Variants in LRP1B observed in about 807,000 individuals in gnomAD.
LRP1B encodes low-density lipoprotein receptor-related protein 1B.
In LRP1B, 217 loss-of-function variants were observed where a neutral mutation model predicts 556.6. The observed-to-expected ratio is 0.39, with a 90% CI of 0.35 to 0.44. LRP1B has a LOEUF of 0.44. Among genes scored for constraint, LRP1B ranks in the 20% least tolerant of loss-of-function variants. The pLI is 1.00. For missense variants in LRP1B, 5,053 were observed against 5,620.8 expected (o/e 0.90, Z 3.23); for synonymous variants, 2,047 against 1,865.8 (o/e 1.10, Z -2.50).
chr2:140,287,853 C>T (rs998208578), intron 84 of LRP1B, among the ~76,000 whole-genome samples: 2 of 151,606 alleles, frequency 1.3e-5, no homozygotes, highest in African/African-American at 4.8e-5. Context: ...TTGTCTGTCT[C>T]TGGCATGACG....
At chr2:141,057,522 G>A (rs2105460155) in intron 9 of LRP1B, among the ~76,000 whole-genome samples, 1 of 151,938 alleles carries the variant, frequency 6.6e-6, no homozygotes, top group Non-Finnish European at 1.5e-5. Flanking sequence ...GGGGGACCCA[G>A]TAGGAGGTAA....
chr2:140,640,383 CTTTTTTTTTTTT>C lies in LRP1B; in HGVS notation c.6800-38756_6800-38745del, dbSNP rs70988414. 4.1e-4 allele frequency among the ~76,000 whole-genome samples: 20 copies of C among 48,498 alleles called. No individual in the cohort carries two copies. The East Asian group carries it at 5.2e-3, about 13-fold the overall frequency. The allele number at this position is 48,498 out of a possible 152,430, so 31.8% of individuals were successfully genotyped here. On this transcript the variant is annotated intron_variant, in intron 41 of 90. Transcript: ENST00000389484. ...ATCCACTATTCCCTTGTCCTGTTTT[CTTTTTTTTTTTT>C]TTTTTTTTTTTTTTTTTTGAGATGG...
chr2:141,066,989 T>A (rs1167287295), intron 7 of LRP1B, among the ~76,000 whole-genome samples: 1 of 151,946 alleles, frequency 6.6e-6, no homozygotes, highest in Non-Finnish European at 1.5e-5. Flanking sequence ...CTGCTTTCCT[T>A]TTTATTTCAG....
intron 18 of LRP1B, among the ~76,000 whole-genome samples, chr2:140,958,424 G>A (rs1019975234): frequency 3.3e-5 from 5 of 151,574 alleles, no homozygotes; most frequent in Admixed American, 6.6e-5. Context: ...ATTACAAACC[G>A]CATGAACAAG....
At position 140,680,458 on chromosome 2, in the gene LRP1B, C is replaced by G. The variant is rs560367110; in HGVS notation, c.6799+19792G>C. Among the ~76,000 whole-genome samples the G allele has an allele frequency of 3.3e-5, 5 of 152,286 alleles. No homozygotes were observed. In the East Asian group the frequency reaches 9.6e-4, roughly 29 times the overall value. On this transcript the variant is annotated intron_variant, in intron 41 of 90. Transcript: ENST00000389484. ...GAACAAAAAGAGCAATAAACTCTCT[C>G]CAGTGGCTACTTCAGACTGAATTAA... is the stretch of plus-strand genomic sequence containing the variant.
intron 77 of LRP1B, among the ~76,000 whole-genome samples, chr2:140,336,905 G>T (rs1343577270): frequency 6.6e-6 from 1 of 151,798 alleles, no homozygotes; most frequent in Non-Finnish European, 1.5e-5. Flanking sequence ...ATTCCCAGGG[G>T]TATTATGGCA....
Position 141,324,518 on chromosome 2 carries a change from C to CTGAAAAT in LRP1B, c.344-69884_344-69878dup, listed in dbSNP as rs1411715284. Among the ~76,000 whole-genome samples the CTGAAAAT allele has an allele frequency of 7.2e-5, 11 of 152,140 alleles. No homozygotes were observed. In the East Asian group the frequency reaches 2.1e-3, roughly 29 times the overall value. On this transcript the variant is annotated intron_variant, in intron 3 of 90. Transcript: ENST00000389484. ...TTAAATATCAGTTATATCAAGGATTCTGAAAATGACATATATTTAGATCAG... is the reference window on the plus strand; with the variant it reads ...TTAAATATCAGTTATATCAAGGATTCTGAAAATTGAAAATGACATATATTTAGATCAG...
intron 1 of LRP1B, among the ~76,000 whole-genome samples, chr2:141,850,687 C>T (rs1055599223): frequency 4.0e-5 from 6 of 149,498 alleles, no homozygotes; most frequent in Non-Finnish European, 8.9e-5. Flanking sequence ...CCTCAAAATT[C>T]TCATTCCTGG....
intron 1 of LRP1B, among the ~76,000 whole-genome samples, chr2:141,978,471 TA>T (rs904079020): frequency 6.6e-5 from 10 of 152,056 alleles, no homozygotes; most frequent in African/African-American, 2.2e-4. Context: ...ACAAGGTGTC[TA>T]AAAATAAGCT....
chr2:141,735,471 G>A (rs989674689), intron 2 of LRP1B, among the ~76,000 whole-genome samples: 4 of 119,954 alleles, frequency 3.3e-5, no homozygotes, highest in Non-Finnish European at 6.4e-5. Flanking sequence ...GCAAATCAAG[G>A]CAAAGATTTG....
chr2:140,444,660 T>C lies in LRP1B; in HGVS notation c.10077A>G (p.Pro3359=), dbSNP rs1407053997. The change falls in exon 64 of 91, where the codon CCA becomes CCG. Residue 3359 remains proline (P), a synonymous_variant. Transcript: ENST00000389484. ...PDDCPEFRCQ[P]GRFQCGTGLC... ...GTCCAGTCCCACACTGAAATCGGCC[T>C]GGCTGACATCTAAATTCAGCTAGGG... 6.2e-7 allele frequency: 1 copy of C among 1,613,196 alleles called. No individual in the cohort carries two copies. Among genetic ancestry groups the C allele is most frequent in the Non-Finnish European group, 8.5e-7 (1 of 1,179,358 alleles).
rs1429712779 is a variant in LRP1B at position 140,335,642 on chromosome 2, T to A, written c.12089A>T (p.Tyr4030Phe). Residue 4030 changes from tyrosine (Y) to phenylalanine (F), a missense_variant, in exon 78 of 91, where the codon TAT (tyrosine) becomes TTT (phenylalanine). By Grantham distance (22) the Tyr-to-Phe change is conservative. Coordinates refer to ENST00000389484, the MANE Select transcript of LRP1B (RefSeq NM_018557.3). ...TCTTTTAGGATTTACTGCAATAGCA[T>A]AGGGTTCTCCAGCCATATTTGTTAA... ...RLLTNMAGEP[Y>F]AIAVNPKRGM... 1 of 1,611,112 alleles carries A rather than the reference T, an allele frequency of 6.2e-7. No individual in the cohort carries two copies. Among genetic ancestry groups the A allele is most frequent in the African/African-American group, 1.3e-5 (1 of 74,786 alleles).
intron 76 of LRP1B, among the ~76,000 whole-genome samples, chr2:140,352,539 C>A (rs1236896073): frequency 1.3e-5 from 2 of 152,054 alleles, no homozygotes; most frequent in African/African-American, 4.8e-5. Context: ...AAAGCAAGAT[C>A]TTGTTTTAAA....
chr2:140,471,969 C>T (rs1339727818), intron 60 of LRP1B, among the ~76,000 whole-genome samples: 1 of 152,180 alleles, frequency 6.6e-6, no homozygotes, highest in Admixed American at 6.5e-5. Context: ...TACACTTTCC[C>T]TCTATGGGGA....
At chr2:141,869,258 A>C (rs1179436413) in intron 1 of LRP1B, among the ~76,000 whole-genome samples, 1 of 152,042 alleles carries the variant, frequency 6.6e-6, no homozygotes, top group African/African-American at 2.4e-5. Flanking sequence ...TGCAATGAAA[A>C]AATATTTTTT....
At chr2:140,757,113 T>C (rs2104907330) in intron 35 of LRP1B, among the ~76,000 whole-genome samples, 1 of 152,292 alleles carries the variant, frequency 6.6e-6, no homozygotes, top group African/African-American at 2.4e-5. Flanking sequence ...CACAATGAGA[T>C]ACCACTTTAT....
intron 37 of LRP1B, among the ~76,000 whole-genome samples, chr2:140,710,777 A>C (rs1687003307): frequency 6.6e-6 from 1 of 152,006 alleles, no homozygotes; most frequent in African/African-American, 2.4e-5. Flanking sequence ...AAACCTGCAA[A>C]AATAATAATA....
At chr2:140,344,999 T>G (rs560071544) in intron 77 of LRP1B, among the ~76,000 whole-genome samples, 1 of 151,848 alleles carries the variant, frequency 6.6e-6, no homozygotes, top group Non-Finnish European at 1.5e-5. Flanking sequence ...TAATATGACA[T>G]GATAACTATC....
intron 35 of LRP1B, among the ~76,000 whole-genome samples, chr2:140,736,873 G>A (rs567300918): frequency 6.6e-5 from 10 of 152,194 alleles, no homozygotes; most frequent in South Asian, 2.1e-4. Flanking sequence ...AGGTCAGATC[G>A]TTGTGCTTAC....
Sources: allele counts gnomAD v4.1 joint callset (sites outside exome capture counted in the v4.1 genomes callset), GRCh38; gene constraint gnomAD v4.1.1; transcripts MANE v1.5; gene names NCBI Gene and HGNC (gene_info 2026-07-23, HGNC 2026-07-21).